Variants in ARHGAP5 observed in about 807,000 individuals in gnomAD.
ARHGAP5 encodes Rho GTPase activating protein 5.
Under a neutral mutation model 116.6 loss-of-function variants are expected in ARHGAP5, and 23 were observed. That is an observed-to-expected ratio of 0.20 (90% CI 0.14 to 0.28). ARHGAP5 has a LOEUF of 0.28. Ranked by LOEUF, ARHGAP5 falls within the 10% of genes least tolerant of loss-of-function variation. The probability of loss-of-function intolerance (pLI) is 1.00; values close to 1 mark genes in which losing one functional copy is unlikely to be tolerated. For synonymous variants in ARHGAP5, 574 were observed against 602.0 expected (o/e 0.95, Z 0.68); for missense variants, 1,405 against 1,774.8 (o/e 0.79, Z 3.74).
chr14:32,154,312 G>T (rs1225624060), intron 6 of ARHGAP5: 8 of 240,204 alleles, frequency 3.3e-5, no homozygotes, highest in Non-Finnish European at 6.5e-5. Context: ...ACTACGCCTG[G>T]CTAATTTTGT....
intron 1 of ARHGAP5, among the ~76,000 whole-genome samples, chr14:32,088,659 T>G (rs2041854259): frequency 6.6e-6 from 1 of 152,038 alleles, no homozygotes; most frequent in African/African-American, 2.4e-5. Flanking sequence ...TAAAAAAAGT[T>G]AATAGGATTG....
rs1003723263 is a variant in ARHGAP5 at position 32,077,530 on chromosome 14, C to G, written c.-169+95C>G. 38 of 627,738 alleles carry G rather than the reference C, an allele frequency of 6.1e-5. No individual in the cohort carries two copies. The African/African-American group carries it at 6.9e-4, about 11-fold the overall frequency. The allele number at this position is 627,738 out of a possible 1,614,324, so 38.9% of individuals were successfully genotyped here. A position where few individuals can be genotyped will look rare whatever the true frequency, so the allele number is the denominator to read the frequency against. ...AGCTGCCCCGCTCGGTCGCCGCTGC[C>G]GGTTGTAACCAGTTGAAGGGGCTGG... On this transcript the variant is annotated intron_variant, in intron 1 of 6. Transcript: ENST00000345122.
At position 32,093,356 on chromosome 14, in the gene ARHGAP5, C is replaced by T; in HGVS notation, c.2687C>T (p.Ala896Val). ...CAAGCAGATTTTTTTGAAAATGAGG[C>T]TATCAAAGAGTTAATGACTGAAGGA... Reference protein sequence around the residue: ...DSQADFFENEAIKELMTEGEH... With the variant: ...DSQADFFENEVIKELMTEGEH... Residue 896 changes from alanine (A) to valine (V), a missense_variant, in exon 2 of 7, where the codon GCT becomes GTT. By Grantham distance (64) the Ala-to-Val change is moderately conservative. This residue lies in a region of ARHGAP5 where 944 missense variants were observed against 1,095.3 expected (regional missense o/e 0.86). Transcript: ENST00000345122. The T allele has an allele frequency of 6.2e-7, 1 of 1,613,894 alleles. No individual in the cohort carries two copies. The highest frequency in any genetic ancestry group is 2.2e-5 in the East Asian group (1 of 44,872).
intron 3 of ARHGAP5, among the ~76,000 whole-genome samples, chr14:32,138,942 A>C (rs1033231543): frequency 1.3e-5 from 2 of 152,140 alleles, no homozygotes; most frequent in Non-Finnish European, 2.9e-5. Context: ...CTTTTTCTAC[A>C]TCAATTGAGA....
intron 2 of ARHGAP5, among the ~76,000 whole-genome samples, chr14:32,096,286 C>CT (rs1291991915): frequency 1.1e-4 from 17 of 152,102 alleles, no homozygotes; most frequent in African/African-American, 4.1e-4. Flanking sequence ...GCTGCATAGT[C>CT]TTTCTAATTA....
intron 3 of ARHGAP5, among the ~76,000 whole-genome samples, chr14:32,133,017 T>C (rs532724031): frequency 6.6e-5 from 10 of 152,306 alleles, no homozygotes; most frequent in Admixed American, 1.3e-4. Context: ...AGTCAGGTAG[T>C]GTGATGCCTC....
Position 32,092,735 on chromosome 14 carries a change from A to C in ARHGAP5, c.2066A>C (p.Lys689Thr), listed in dbSNP as rs1322569813. Residue 689 changes from lysine (K) to threonine (T), a missense_variant, in exon 2 of 7, where the codon AAA becomes ACA. Transcript: ENST00000345122. The surrounding 1 kb of genome is among the most constrained non-coding windows in gnomAD (Gnocchi z 4.1). ...RTEASQIRKD[K>T]YMANLPFTLI... Reference sequence around the variant, plus strand: ...GAAGCTTCTCAGATCAGAAAAGATAAATACATGGCTAATCTTCCATTTACA... The same window carrying C: ...GAAGCTTCTCAGATCAGAAAAGATACATACATGGCTAATCTTCCATTTACA... The C allele has an allele frequency of 6.2e-7, 1 of 1,613,586 alleles. No individual in the cohort carries two copies. The highest frequency in any genetic ancestry group is 8.5e-7 in the Non-Finnish European group (1 of 1,179,840).
At position 32,154,956 on chromosome 14, in the gene ARHGAP5, G is replaced by T; in HGVS notation, c.*8G>T. 1.2e-6 allele frequency: 2 copies of T among 1,604,620 alleles called. No individual in the cohort carries two copies. The highest frequency in any genetic ancestry group is 1.7e-6 in the Non-Finnish European group (2 of 1,173,316). ...CCTCTTGGTATTATATGAGTAGGAA[G>T]TGATTGCAAACAGGCTGGATTTGGA... is the stretch of plus-strand genomic sequence containing the variant. On this transcript the variant is annotated 3_prime_UTR_variant, in exon 7 of 7. Coordinates refer to ENST00000345122, the MANE Select transcript of ARHGAP5 (RefSeq NM_001030055.2).
intron 6 of ARHGAP5, among the ~76,000 whole-genome samples, chr14:32,153,011 A>G (rs1167493605): frequency 1.4e-5 from 2 of 141,034 alleles, no homozygotes; most frequent in Non-Finnish European, 3.1e-5. Context: ...TCCTCATAAT[A>G]TTTTCTACTG....
chr14:32,127,059 G>A (rs1356454818), intron 3 of ARHGAP5, among the ~76,000 whole-genome samples: 4 of 148,886 alleles, frequency 2.7e-5, no homozygotes, highest in African/African-American at 7.5e-5. Context: ...GTACAGTGGT[G>A]TAGTCTTGGC....
chr14:32,083,608 G>C (rs78465532), intron 1 of ARHGAP5, among the ~76,000 whole-genome samples: 2,254 of 152,234 alleles, frequency 0.015, 19 homozygotes, highest in Middle Eastern at 0.037. Flanking sequence ...TTTTAATGTA[G>C]TGTGGAAAGT....
In ARHGAP5 at chr14:32,094,402, G is replaced by C; in HGVS notation, c.3717+16G>C. On this transcript the variant is annotated intron_variant, in intron 2 of 6. Transcript: ENST00000345122. Reference sequence around the variant, plus strand: ...AGATAAAAAGGTAAGGTTAACTTAAGGTCAGTGATGTTTATAAAAATGCTT... The same window carrying C: ...AGATAAAAAGGTAAGGTTAACTTAACGTCAGTGATGTTTATAAAAATGCTT... 1 of 1,519,286 alleles carries C rather than the reference G, an allele frequency of 6.6e-7. No individual in the cohort carries two copies. The highest frequency in any genetic ancestry group is 8.8e-7 in the Non-Finnish European group (1 of 1,133,584). 94.1% of individuals were successfully genotyped at this position (1,519,286 alleles called of 1,614,324 possible).
chr14:32,111,292 C>T (rs1879281754), intron 2 of ARHGAP5, among the ~76,000 whole-genome samples: 1 of 152,126 alleles, frequency 6.6e-6, no homozygotes, highest in Non-Finnish European at 1.5e-5. Flanking sequence ...CAGTCAGAGA[C>T]TGATGAGGAT....
Position 32,093,993 on chromosome 14 carries a change from T to G in ARHGAP5, c.3324T>G (p.Ile1108Met), listed in dbSNP as rs771258677. Residue 1108 changes from isoleucine (I) to methionine (M), a missense_variant, in exon 2 of 7, where the codon ATT becomes ATG. Physicochemically the swap from Ile to Met is conservative, Grantham distance 10. Around this residue, in one of 6 missense-constraint regions of ARHGAP5, gnomAD observed 944 missense variants for 1,095.3 expected, o/e 0.86. Coordinates refer to ENST00000345122, the MANE Select transcript of ARHGAP5 (RefSeq NM_001030055.2). The stretch of plus-strand genomic sequence containing the variant: ...AACAGAAGGGCTATTCTGATGAGAT[T>G]TATGTTGTCCCAGATGATAGTCAAA... Reference protein sequence around the residue: ...IFKQKGYSDEIYVVPDDSQNR... With the variant: ...IFKQKGYSDEMYVVPDDSQNR... The G allele has an allele frequency of 3.7e-6, 6 of 1,613,496 alleles. No individual in the cohort carries two copies. Among genetic ancestry groups the G allele is most frequent in the Non-Finnish European group, 5.1e-6 (6 of 1,179,914 alleles).
intron 3 of ARHGAP5, among the ~76,000 whole-genome samples, chr14:32,138,476 G>T (rs1880927898): frequency 6.6e-6 from 1 of 152,088 alleles, no homozygotes; most frequent in Non-Finnish European, 1.5e-5. Context: ...TAGCGATGGG[G>T]TTTCACCATG....
chr14:32,091,371 C>A lies in ARHGAP5; in HGVS notation c.702C>A (p.Asn234Lys). 1 of 1,611,834 alleles carries A rather than the reference C, an allele frequency of 6.2e-7. No homozygotes were observed. Among genetic ancestry groups the A allele is most frequent in the Non-Finnish European group, 8.5e-7 (1 of 1,179,190 alleles). Residue 234 changes from asparagine (N) to lysine (K), a missense_variant, in exon 2 of 7, where the codon AAC becomes AAA. Transcript: ENST00000345122. ...VVETSARFNV[N>K]IETCFTALVQ... ...AAACATCAGCACGATTTAATGTCAACATTGAAACATGTTTTACTGCACTGG... is the reference window on the plus strand; with the variant it reads ...AAACATCAGCACGATTTAATGTCAAAATTGAAACATGTTTTACTGCACTGG...
intron 2 of ARHGAP5, among the ~76,000 whole-genome samples, chr14:32,096,865 AT>A (rs1878550241): frequency 1.3e-5 from 2 of 152,212 alleles, no homozygotes; most frequent in Non-Finnish European, 2.9e-5. Flanking sequence ...TTATAGTTCC[AT>A]TTTACTTATG....
intron 3 of ARHGAP5, among the ~76,000 whole-genome samples, chr14:32,126,650 A>G (rs553932343): frequency 6.6e-6 from 1 of 152,166 alleles, no homozygotes; most frequent in East Asian, 1.9e-4. Context: ...TTTCATTCCT[A>G]GTTTGTTGAG....
rs753377731 is a variant in ARHGAP5, at chr14:32,092,464, T to C, written c.1795T>C (p.Phe599Leu). 2.9e-5 allele frequency: 46 copies of C among 1,613,878 alleles called. No individual in the cohort carries two copies. The highest frequency in any genetic ancestry group is 1.5e-4 in the Admixed American group (9 of 59,980). Reference protein sequence around the residue: ...DSTNIDKVNLFILGKDGLAQE... With the variant: ...DSTNIDKVNLLILGKDGLAQE... Reference sequence around the variant, plus strand: ...TACCAATATAGATAAAGTTAACCTTTTTATTTTAGGGAAGGATGGCCTTGC... The same window carrying C: ...TACCAATATAGATAAAGTTAACCTTCTTATTTTAGGGAAGGATGGCCTTGC... Residue 599 changes from phenylalanine (F) to leucine (L), a missense_variant, in exon 2 of 7, where the codon TTT becomes CTT. By Grantham distance (22) the Phe-to-Leu change is conservative. Coordinates refer to ENST00000345122, the MANE Select transcript of ARHGAP5 (RefSeq NM_001030055.2). The surrounding 1 kb of genome is among the most constrained non-coding windows in gnomAD (Gnocchi z 4.1).
Sources: gnomAD v4.1 joint callset for allele counts (sites outside exome capture counted in the v4.1 genomes callset) on GRCh38, gnomAD v4.1.1 for gene constraint, gnomAD v4.1.1 regional missense constraint, Gnocchi (gnomAD v3.1) non-coding constraint, MANE v1.5 for transcripts, NCBI Gene and HGNC (gene_info 2026-07-23, HGNC 2026-07-21) for gene names.